The following NSD2 variants were observed in gnomAD, a reference collection of about 807,000 sequenced individuals.
The protein encoded by NSD2 is histone-lysine N-methyltransferase NSD2.
In NSD2, 12 loss-of-function variants were observed where a neutral mutation model predicts 139.0. That is an observed-to-expected ratio of 0.09 (90% CI 0.06 to 0.14). The LOEUF is 0.14. NSD2 is among the 10% of genes least tolerant of loss of function. The pLI, the probability that NSD2 is intolerant of heterozygous loss-of-function variation, is 1.00. For missense variants in NSD2, 1,155 were observed against 1,745.0 expected (o/e 0.66, Z 6.02); for synonymous variants, 669 against 648.7 (o/e 1.03, Z -0.48).
chr4:1,925,778 T>TTTTG (rs531826079), intron 5 of NSD2, among the ~76,000 whole-genome samples: 3 of 151,164 alleles, frequency 2.0e-5, no homozygotes, highest in African/African-American at 2.4e-5. Context: ...ATATATTTTT[T>TTTTG]TTTGTTTGTT....
chr4:1,944,021 G>A lies in NSD2; in HGVS notation c.1881+4243G>A, dbSNP rs1467164786. 6 of 1,065,520 alleles carry A rather than the reference G, an allele frequency of 5.6e-6. No individual in the cohort carries two copies. The South Asian group carries it at 2.3e-4, about 40-fold the overall frequency. 66.0% of individuals were successfully genotyped at this position (1,065,520 alleles called of 1,614,324 possible). ...GTGTCCAAAGAGCAGCATGACATTG[G>A]CATCAGCTGAATAACCAGGGGCACA... is the stretch of plus-strand genomic sequence containing the variant. On this transcript the variant is annotated intron_variant, in intron 9 of 21. Transcript: ENST00000508803.
In NSD2 at chr4:1,944,597, A is replaced by G. The variant is rs371707404; in HGVS notation, c.1881+4819A>G. ...TAGAGGTGAAAACTTGTCAGAATAT[A>G]TAAAAGCTTAGATTGTAGCTGTTCT... On this transcript the variant is annotated intron_variant, in intron 9 of 21. Transcript: ENST00000508803. The G allele has an allele frequency of 8.6e-5, 92 of 1,063,854 alleles. No homozygotes were observed. In the South Asian group the frequency reaches 3.9e-3, roughly 45 times the overall value. The allele number at this position is 1,063,854 out of a possible 1,614,324, so 65.9% of individuals were successfully genotyped here. A position where few individuals can be genotyped will look rare whatever the true frequency, so the allele number is the denominator to read the frequency against.
chr4:1,945,634 CTG>C (rs1257868983), intron 9 of NSD2: 14 of 1,064,444 alleles, frequency 1.3e-5, no homozygotes, highest in Non-Finnish European at 1.6e-5. Context: ...CTGTCCTCCT[CTG>C]TGTCCCGGCA....
At chr4:1,900,573 G>A in intron 1 of NSD2, 53 bp from the exon 2 acceptor site, 5 of 1,279,314 alleles carry the variant, frequency 3.9e-6, no homozygotes, top group Admixed American at 2.6e-5. Context: ...ACCTATCCTA[G>A]GTTTTAAATG....
chr4:1,910,559 TTTG>T (rs1718532501), intron 3 of NSD2, among the ~76,000 whole-genome samples: 1 of 152,224 alleles, frequency 6.6e-6, no homozygotes. Flanking sequence ...TGTGGAGATT[TTTG>T]TTGTCACCTT....
intron 2 of NSD2, among the ~76,000 whole-genome samples, chr4:1,903,149 A>AT (rs571559498): frequency 7.9e-4 from 120 of 152,320 alleles, no homozygotes; most frequent in Admixed American, 2.0e-3. Flanking sequence ...GCTTATGGCA[A>AT]GGTTTTGGGC....
intron 8 of NSD2, 40 bp from the exon 9 acceptor site, chr4:1,939,614 T>G: frequency 2.5e-6 from 4 of 1,598,388 alleles, no homozygotes; most frequent in Non-Finnish European, 3.4e-6. Flanking sequence ...AGATCAAGGG[T>G]TTATGATTTG....
rs1452866500 is a variant in NSD2, at chr4:1,891,821, C to T, written c.-29-8805C>T. ...GCAGTGAGCCGAGATCGCGCCATTGCACTCCAGCCTGGGCGACAGAGGGAG... is the reference window on the plus strand; with the variant it reads ...GCAGTGAGCCGAGATCGCGCCATTGTACTCCAGCCTGGGCGACAGAGGGAG... On this transcript the variant is annotated intron_variant, in intron 1 of 21. Coordinates refer to ENST00000508803, the MANE Select transcript of NSD2 (RefSeq NM_001042424.3). Among the ~76,000 whole-genome samples, 5 of 147,322 alleles carry T rather than the reference C, an allele frequency of 3.4e-5. No individual in the cohort carries two copies. The South Asian group carries it at 8.7e-4, about 26-fold the overall frequency.
At position 1,979,014 on chromosome 4, in the gene NSD2, C is replaced by T. The variant is rs1039341896; in HGVS notation, c.*105C>T. The T allele has an allele frequency of 1.7e-5, 24 of 1,391,586 alleles. No homozygotes were observed. Among genetic ancestry groups the T allele is most frequent in the Non-Finnish European group, 2.2e-5 (23 of 1,062,314 alleles). The allele number at this position is 1,391,586 out of a possible 1,614,324, so 86.2% of individuals were successfully genotyped here. A position where few individuals can be genotyped will look rare whatever the true frequency, so the allele number is the denominator to read the frequency against. ...GGCCCGGAGGACCCAGCTCGAGCCGCCAGGACACAGACGTACAGGCCTCCT... is the reference window on the plus strand; with the variant it reads ...GGCCCGGAGGACCCAGCTCGAGCCGTCAGGACACAGACGTACAGGCCTCCT... On this transcript the variant is annotated 3_prime_UTR_variant, in exon 22 of 22. Transcript: ENST00000508803.
chr4:1,872,587 TGTGTGAGA>T (rs1359114212), intron 1 of NSD2, among the ~76,000 whole-genome samples: 183 of 50,130 alleles, frequency 3.7e-3, no homozygotes, highest in African/African-American at 0.01. Flanking sequence ...TGTGTGTGTG[TGTGTGAGA>T]GAGAGAGAGA....
At position 1,981,335 on chromosome 4, in the gene NSD2, G is replaced by T; in HGVS notation, c.*2426G>T. ...TGCAGGGTTTCTCGCCACTGGGGCT[G>T]ACCACGCCCCCAGCTGTGACCGTGG... On this transcript the variant is annotated 3_prime_UTR_variant, in exon 22 of 22. Transcript: ENST00000508803. 1 of 233,418 alleles carries T rather than the reference G, an allele frequency of 4.3e-6. No individual in the cohort carries two copies. Among genetic ancestry groups the T allele is most frequent in the East Asian group, 6.0e-5 (1 of 16,598 alleles). The allele number at this position is 233,418 out of a possible 1,614,324, so 14.5% of individuals were successfully genotyped here.
At position 1,973,289 on chromosome 4, in the gene NSD2, C is replaced by T. The variant is rs1009186518; in HGVS notation, c.3373-1574C>T. On this transcript the variant is annotated intron_variant, in intron 18 of 21. Coordinates refer to ENST00000508803, the MANE Select transcript of NSD2 (RefSeq NM_001042424.3). This position sits in a 1 kb window ranked among gnomAD's most constrained non-coding sequence, Gnocchi z 5.5. The stretch of plus-strand genomic sequence containing the variant: ...ATAAGAAGGAAGTGGCACTGGGCCC[C>T]GCTGGTAATGGTAGGAATGTAGGTT... Among the ~76,000 whole-genome samples, 24 of 152,298 alleles carry T rather than the reference C, an allele frequency of 1.6e-4. No individual in the cohort carries two copies. Among genetic ancestry groups the T allele is most frequent in the African/African-American group, 2.9e-4 (12 of 41,572 alleles).
At chr4:1,968,685 G>A (rs1213814153) in intron 18 of NSD2, among the ~76,000 whole-genome samples, 1 of 152,156 alleles carries the variant, frequency 6.6e-6, no homozygotes, top group Non-Finnish European at 1.5e-5. Flanking sequence ...TGGTTTAAAT[G>A]TATAAGTTAA....
At position 1,979,183 on chromosome 4, in the gene NSD2, T is replaced by C. The variant is rs1026725268; in HGVS notation, c.*274T>C. ...ACCGCCACACTTGAATTTCTCCGAATGTCAAGGTTCCCTCCCACTCTATTT... is the reference window on the plus strand; with the variant it reads ...ACCGCCACACTTGAATTTCTCCGAACGTCAAGGTTCCCTCCCACTCTATTT... On this transcript the variant is annotated 3_prime_UTR_variant, in exon 22 of 22. Transcript: ENST00000508803. 2 of 384,184 alleles carry C rather than the reference T, an allele frequency of 5.2e-6. No homozygotes were observed. 23.8% of individuals were successfully genotyped at this position (384,184 alleles called of 1,614,324 possible).
At chr4:1,947,618 G>A in intron 9 of NSD2, 3 of 1,055,252 alleles carry the variant, frequency 2.8e-6, no homozygotes, top group Non-Finnish European at 3.4e-6. Context: ...TGGAAGACCT[G>A]TTTGAAATTA....
At chr4:1,940,685 G>C (rs1467355021) in intron 9 of NSD2, 2 of 1,061,292 alleles carry the variant, frequency 1.9e-6, no homozygotes, top group African/African-American at 3.3e-5. Context: ...TTTGGAACAG[G>C]GTAGTGAGGC....
intron 18 of NSD2, among the ~76,000 whole-genome samples, chr4:1,967,541 G>A (rs1026242143): frequency 3.3e-5 from 5 of 151,390 alleles, no homozygotes; most frequent in Admixed American, 2.6e-4. Flanking sequence ...TCATGCTGTT[G>A]CACTCCAGCC....
intron 1 of NSD2, among the ~76,000 whole-genome samples, chr4:1,898,823 T>C (rs1239540479): frequency 6.6e-6 from 1 of 151,984 alleles, no homozygotes; most frequent in African/African-American, 2.4e-5. Flanking sequence ...GACTCTCTCC[T>C]TGAGATTTCC....
rs144327097 is a variant in NSD2, at chr4:1,976,515, C to T, written c.3662C>T (p.Thr1221Ile). The change falls in exon 21 of 22, where the codon ACC becomes ATC. Residue 1221 changes from threonine to isoleucine, a missense_variant. Physicochemically the swap from Thr to Ile is moderately conservative, Grantham distance 89 (BLOSUM62 -1). Around this residue, in one of 8 missense-constraint regions of NSD2, gnomAD observed 39 missense variants for 43.5 expected, o/e 0.90. Coordinates refer to ENST00000508803, the MANE Select transcript of NSD2 (RefSeq NM_001042424.3). The surrounding 1 kb of genome is among the most constrained non-coding windows in gnomAD (Gnocchi z 5.3). ...TCATCAGAGGAAAAGGGCAAAAAGA[C>T]CAAGAAGAAAACGAGGCGGCGCAGA... ...TLSSEEKGKK[T>I]KKKTRRRRAK... is the part of the protein sequence containing the mutation. 7 of 1,613,796 alleles carry T rather than the reference C, an allele frequency of 4.3e-6. No homozygotes were observed. The highest frequency in any genetic ancestry group is 2.2e-5 in the South Asian group (2 of 90,996).
Sources: allele counts gnomAD v4.1 joint callset (sites outside exome capture counted in the v4.1 genomes callset), GRCh38; gene constraint gnomAD v4.1.1; regional missense constraint gnomAD v4.1.1; non-coding constraint Gnocchi (gnomAD v3.1); transcripts MANE v1.5; gene names NCBI Gene and HGNC (gene_info 2026-07-23, HGNC 2026-07-21).